TSHZ2: variants seen among roughly 807,000 people sequenced by gnomAD.
TSHZ2 encodes the protein teashirt homolog 2.
In TSHZ2, 21 loss-of-function variants were observed where a neutral mutation model predicts 74.4. The ratio of observed to expected loss-of-function variants is 0.28; its 90% CI spans 0.20 to 0.41. TSHZ2 has a LOEUF of 0.41. TSHZ2 is among the 10% of genes least tolerant of loss of function. TSHZ2 has a pLI of 1.00. For missense variants in TSHZ2, 1,244 were observed against 1,293.5 expected, an observed-to-expected ratio of 0.96 and a Z score of 0.59; for synonymous variants, 540 against 515.3, an observed-to-expected ratio of 1.05 and a Z score of -0.65.
chr20:53,077,144 G>A (rs1270267987), intron 1 of TSHZ2, among the ~76,000 whole-genome samples: 1 of 152,182 alleles, frequency 6.6e-6, no homozygotes, highest in African/African-American at 2.4e-5. Flanking sequence ...CAGGCACGAT[G>A]GCCCATGCCT....
At chr20:53,007,079 A>G (rs990703242) in intron 1 of TSHZ2, among the ~76,000 whole-genome samples, 1 of 152,148 alleles carries the variant, frequency 6.6e-6, no homozygotes, top group African/African-American at 2.4e-5. Flanking sequence ...TGCAAGAGTA[A>G]AGGCTGCTAC....
chr20:53,225,117 A>C (rs1989655351), intron 1 of TSHZ2, among the ~76,000 whole-genome samples: 1 of 152,224 alleles, frequency 6.6e-6, no homozygotes, highest in African/African-American at 2.4e-5. Context: ...ATAAGATTTT[A>C]TTAGTGAAAA....
At chr20:53,045,102 C>G (rs976835794) in intron 1 of TSHZ2, among the ~76,000 whole-genome samples, 1 of 152,138 alleles carries the variant, frequency 6.6e-6, no homozygotes, top group African/African-American at 2.4e-5. Flanking sequence ...AACAAAGATG[C>G]ATTTACCACT....
intron 2 of TSHZ2, among the ~76,000 whole-genome samples, chr20:53,372,746 G>A (rs570264768): frequency 1.3e-5 from 2 of 152,246 alleles, no homozygotes; most frequent in East Asian, 3.9e-4. Context: ...ATGTCTTAGT[G>A]GCAAAATGGT....
chr20:53,048,309 G>GGAGA (rs546698940), intron 1 of TSHZ2, among the ~76,000 whole-genome samples: 3 of 149,752 alleles, frequency 2.0e-5, no homozygotes, highest in Admixed American at 2.0e-4. Flanking sequence ...AAGAAGGGGA[G>GGAGA]GAGAGAGAGA....
At chr20:53,410,075 G>A (rs1194226586) in intron 2 of TSHZ2, among the ~76,000 whole-genome samples, 1 of 151,912 alleles carries the variant, frequency 6.6e-6, no homozygotes, top group African/African-American at 2.4e-5. Flanking sequence ...TTGAACTCCT[G>A]ACCTCAGGTG....
In TSHZ2 at chr20:53,307,146, T is replaced by C. The variant is rs1600801999; in HGVS notation, c.*8+50575T>C. On this transcript the variant is annotated intron_variant, in intron 2 of 2. Coordinates refer to ENST00000371497, the MANE Select transcript of TSHZ2 (RefSeq NM_173485.6). ...AAATGACCAATCCAGGGTCACAGAA[T>C]CGGCAGGTGACGCTCCTGGAATGCA... Among the ~76,000 whole-genome samples, 4 of 151,772 alleles carry C rather than the reference T, an allele frequency of 2.6e-5. No homozygotes were observed. In the South Asian group the frequency reaches 8.3e-4, roughly 32 times the overall value.
intron 2 of TSHZ2, among the ~76,000 whole-genome samples, chr20:53,480,294 C>A (rs1035740643): frequency 1.3e-5 from 2 of 151,856 alleles, no homozygotes; most frequent in Admixed American, 1.3e-4. Context: ...GTCTTTAACT[C>A]CTGACCTCAG....
intron 1 of TSHZ2, among the ~76,000 whole-genome samples, chr20:53,235,001 A>G (rs1174156891): frequency 6.6e-6 from 1 of 151,974 alleles, no homozygotes; most frequent in Non-Finnish European, 1.5e-5. Flanking sequence ...AGGTGGCATG[A>G]GAGGTGCCCA....
intron 2 of TSHZ2, among the ~76,000 whole-genome samples, chr20:53,470,077 GT>G (rs1985751432): frequency 6.6e-6 from 1 of 152,140 alleles, no homozygotes; most frequent in East Asian, 1.9e-4. Context: ...GTTCTTTCTG[GT>G]TTATTTTGTG....
intron 2 of TSHZ2, among the ~76,000 whole-genome samples, chr20:53,359,742 A>G (rs1386103558): frequency 6.6e-6 from 1 of 152,180 alleles, no homozygotes; most frequent in African/African-American, 2.4e-5. Context: ...AAAGATGGCT[A>G]GACAAAAGAG....
At chr20:53,236,339 T>A (rs149710904) in intron 1 of TSHZ2, among the ~76,000 whole-genome samples, 209 of 152,386 alleles carry the variant, frequency 1.4e-3, no homozygotes, top group African/African-American at 4.0e-3. Context: ...TATTGTTTGC[T>A]TACTCTCTGG....
At chr20:53,046,208 C>T (rs1984223609) in intron 1 of TSHZ2, among the ~76,000 whole-genome samples, 1 of 152,190 alleles carries the variant, frequency 6.6e-6, no homozygotes, top group East Asian at 1.9e-4. Flanking sequence ...TAACCGCAAG[C>T]TCTAGCCTTG....
chr20:53,139,425 G>A (rs1320631266), intron 1 of TSHZ2, among the ~76,000 whole-genome samples: 2 of 152,220 alleles, frequency 1.3e-5, no homozygotes, highest in Non-Finnish European at 2.9e-5. Context: ...ACCTCCCACA[G>A]AAGGCCCCTT....
intron 1 of TSHZ2, among the ~76,000 whole-genome samples, chr20:53,028,248 C>G (rs1983517355): frequency 6.6e-6 from 1 of 152,226 alleles, no homozygotes; most frequent in East Asian, 1.9e-4. Context: ...AGTTTCCCCA[C>G]TACATCCCCC....
intron 2 of TSHZ2, among the ~76,000 whole-genome samples, chr20:53,449,842 C>T (rs898835185): frequency 1.3e-5 from 2 of 152,186 alleles, no homozygotes; most frequent in African/African-American, 2.4e-5. Context: ...TAATCACCAC[C>T]CCCATGAGCC....
chr20:53,399,696 C>G (rs1176233242), intron 2 of TSHZ2: 1 of 152,016 alleles, frequency 6.6e-6, no homozygotes, highest in East Asian at 1.9e-4. Flanking sequence ...CTGGAGGAGA[C>G]CTGGCAAGCA....
chr20:53,178,056 T>A (rs1988386467), intron 1 of TSHZ2: 1 of 152,260 alleles, frequency 6.6e-6, no homozygotes, highest in Non-Finnish European at 1.5e-5. Flanking sequence ...CCTACACACA[T>A]CACTGCTGCT....
chr20:53,050,167 ACATATATACACATATATATG>A (rs1984405065), intron 1 of TSHZ2, among the ~76,000 whole-genome samples: 1 of 137,300 alleles, frequency 7.3e-6, no homozygotes, highest in South Asian at 2.3e-4. Flanking sequence ...ATATATATGT[ACATATATACACATATATATG>A]TATATATATA....
Sources: allele counts gnomAD v4.1 joint callset (sites outside exome capture counted in the v4.1 genomes callset), GRCh38; gene constraint gnomAD v4.1.1; transcripts MANE v1.5; gene names NCBI Gene and HGNC (gene_info 2026-07-23, HGNC 2026-07-21).